AK8: variants seen among roughly 807,000 people sequenced by gnomAD.
AK8 encodes the protein ATP-AMP transphosphorylase 8.
A neutral mutation model predicts 54.6 loss-of-function variants in AK8; 44 were observed. That is an observed-to-expected ratio of 0.81 (90% CI 0.63 to 1.04). The LOEUF is 1.04. Among genes scored for constraint, AK8 ranks in the 50% least tolerant of loss-of-function variants. AK8 has a pLI of 0.00. For synonymous variants in AK8, 239 were observed against 245.6 expected, an observed-to-expected ratio of 0.97 and a Z score of 0.25; for missense variants, 555 against 613.6, an observed-to-expected ratio of 0.90 and a Z score of 1.01.
At chr9:132,848,115 C>CAAAAAAAAAAAAAAAAAA (rs796764891) in intron 5 of AK8, among the ~76,000 whole-genome samples, 2 of 52,536 alleles carry the variant, frequency 3.8e-5, no homozygotes, top group Non-Finnish European at 3.5e-5. Flanking sequence ...CACCCTGTTT[C>CAAAAAAAAAAAAAAAAAA]AAAAAAAAAA....
intron 9 of AK8, among the ~76,000 whole-genome samples, chr9:132,817,265 T>C (rs1375905573): frequency 6.6e-6 from 1 of 152,172 alleles, no homozygotes; most frequent in Non-Finnish European, 1.5e-5. Context: ...TCAATACTCT[T>C]AAAGCAGAAT....
intron 11 of AK8, among the ~76,000 whole-genome samples, chr9:132,766,826 T>C (rs1838744055): frequency 6.6e-6 from 1 of 152,202 alleles, no homozygotes; most frequent in African/African-American, 2.4e-5. Flanking sequence ...AATAAGTCCA[T>C]GTATTTATAG....
At chr9:132,738,908 C>A (rs1837240695) in intron 11 of AK8, among the ~76,000 whole-genome samples, 1 of 151,726 alleles carries the variant, frequency 6.6e-6, no homozygotes, top group Admixed American at 6.6e-5. Context: ...GTTTGTGTAC[C>A]ACACCCAGCT....
At chr9:132,725,947 A>C in intron 12 of AK8, 22 bp from the exon 13 acceptor site, 2 of 1,603,980 alleles carry the variant, frequency 1.2e-6, no homozygotes, top group Non-Finnish European at 1.7e-6. Context: ...GAAGGAAAGC[A>C]GGTGACCCAT....
chr9:132,838,882 G>A (rs991171437), intron 5 of AK8, among the ~76,000 whole-genome samples: 7 of 152,292 alleles, frequency 4.6e-5, no homozygotes, highest in African/African-American at 9.6e-5. Context: ...ACAGTGTGAC[G>A]TGGTGTTCGG....
At chr9:132,752,956 T>C (rs1294849112) in intron 11 of AK8, among the ~76,000 whole-genome samples, 1 of 152,176 alleles carries the variant, frequency 6.6e-6, no homozygotes, top group Non-Finnish European at 1.5e-5. Context: ...CCTCCTCCCA[T>C]GGGAATGTTT....
intron 7 of AK8, 54 bp downstream of exon 7, chr9:132,827,959 T>A: frequency 6.6e-7 from 1 of 1,519,070 alleles, no homozygotes; most frequent in Non-Finnish European, 8.9e-7. Flanking sequence ...CGGGCTGTCA[T>A]CACCATGGAC....
At chr9:132,786,689 T>C (rs1839722595) in intron 11 of AK8, among the ~76,000 whole-genome samples, 1 of 152,292 alleles carries the variant, frequency 6.6e-6, no homozygotes, top group South Asian at 2.1e-4. Context: ...CACTCAGAGC[T>C]TCCAAATCGC....
At chr9:132,769,235 C>A (rs73546930) in intron 11 of AK8, 4,408 of 152,552 alleles carry the variant, frequency 0.029, 202 homozygotes, top group African/African-American at 0.097. Flanking sequence ...CACTGCCTGG[C>A]GGGCATCTTG....
chr9:132,727,650 T>A, intron 11 of AK8, 116 bp from the exon 12 acceptor site: 1 of 961,858 alleles, frequency 1.0e-6, no homozygotes, highest in Non-Finnish European at 1.6e-6. Context: ...GCTGGCCGAT[T>A]CCTAGAGCCA....
intron 11 of AK8, among the ~76,000 whole-genome samples, chr9:132,735,664 C>T (rs1837068719): frequency 1.3e-5 from 2 of 152,204 alleles, no homozygotes; most frequent in African/African-American, 4.8e-5. Flanking sequence ...AAATGCTATG[C>T]TGGCTCCTCG....
intron 2 of AK8, among the ~76,000 whole-genome samples, 155 bp from the exon 3 acceptor site, chr9:132,867,108 C>T (rs17485671): frequency 0.017 from 2,547 of 152,200 alleles, 46 homozygotes; most frequent in Middle Eastern, 0.027. Flanking sequence ...GACACTCTTG[C>T]CATGGAACGC....
At position 132,863,777 on chromosome 9, in the gene AK8, G is replaced by A; in HGVS notation, c.221C>T (p.Ala74Val). 5 of 1,608,314 alleles carry A rather than the reference G, an allele frequency of 3.1e-6. No homozygotes were observed. The highest frequency in any genetic ancestry group is 3.4e-6 in the Non-Finnish European group (4 of 1,176,114). ...GTTCAGATGTTTGCAGAGCCACATTGCCTGAAGAAAGGAAAGAAGAAAAGG... is the reference window on the plus strand; with the variant it reads ...GTTCAGATGTTTGCAGAGCCACATTACCTGAAGAAAGGAAAGAAGAAAAGG... Reference protein sequence around the residue: ...GPPASGKTTIAMWLCKHLNSS... With the variant: ...GPPASGKTTIVMWLCKHLNSS... Residue 74 changes from alanine (A) to valine (V), a missense_variant and splice_region_variant, in exon 4 of 13, where the codon GCA becomes GTA. Ala to Val is a moderately conservative substitution (Grantham distance 64). Transcript: ENST00000298545.
chr9:132,730,787 G>A (rs1193312547), intron 11 of AK8, among the ~76,000 whole-genome samples: 1 of 152,166 alleles, frequency 6.6e-6, no homozygotes, highest in Non-Finnish European at 1.5e-5. Context: ...CTGGGTGTTG[G>A]GTGGGCTCAT....
chr9:132,728,930 G>C (rs148683048), intron 11 of AK8, among the ~76,000 whole-genome samples: 1 of 151,740 alleles, frequency 6.6e-6, no homozygotes, highest in East Asian at 1.9e-4. Flanking sequence ...TTAGAGGCAG[G>C]GTCTCACATT....
At chr9:132,855,714 A>G (rs2772007) in intron 4 of AK8, among the ~76,000 whole-genome samples, 116,184 of 152,214 alleles carry the variant, frequency 0.76, 44,540 homozygotes, top group South Asian at 0.87. Context: ...GACGGCTAGC[A>G]TTTGTTGAGC....
In AK8 at chr9:132,726,332, T is replaced by C. The variant is rs549584227; in HGVS notation, c.1203-407A>G. Among the ~76,000 whole-genome samples, 83 of 151,874 alleles carry C rather than the reference T, an allele frequency of 5.5e-4. No homozygotes were observed. The South Asian group carries it at 0.017, about 30-fold the overall frequency. On this transcript the variant is annotated intron_variant, in intron 12 of 12. Coordinates refer to ENST00000298545, the MANE Select transcript of AK8 (RefSeq NM_152572.3). Reference sequence around the variant, plus strand: ...TCTTCTTCCTTTTTCTTTTCTTTTTTGAGACAGGGTCTCACTCTCTTGCCC... The same window carrying C: ...TCTTCTTCCTTTTTCTTTTCTTTTTCGAGACAGGGTCTCACTCTCTTGCCC...
chr9:132,811,854 C>A (rs1299409941), intron 10 of AK8, among the ~76,000 whole-genome samples: 1 of 152,080 alleles, frequency 6.6e-6, no homozygotes, highest in Non-Finnish European at 1.5e-5. Context: ...TGGAAACCAC[C>A]AAAATATTTA....
chr9:132,845,579 T>C (rs1466228290), intron 5 of AK8, among the ~76,000 whole-genome samples: 2 of 152,114 alleles, frequency 1.3e-5, no homozygotes, highest in Non-Finnish European at 2.9e-5. Flanking sequence ...CACTTGGAAG[T>C]CAGGAGTTTG....
Sources: gnomAD v4.1 joint callset for allele counts (sites outside exome capture counted in the v4.1 genomes callset) on GRCh38, gnomAD v4.1.1 for gene constraint, MANE v1.5 for transcripts, NCBI Gene and HGNC (gene_info 2026-07-23, HGNC 2026-07-21) for gene names.